B3GNT2: variants seen among roughly 807,000 people sequenced by gnomAD.
The protein encoded by B3GNT2 is UDP-GlcNAc:betaGal beta-1,3-N-acetylglucosaminyltransferase 2.
A neutral mutation model predicts 27.6 loss-of-function variants in B3GNT2; 12 were observed. That is an observed-to-expected ratio of 0.44 (90% CI 0.28 to 0.71). B3GNT2 has a LOEUF of 0.71. Among genes scored for constraint, B3GNT2 ranks in the 30% least tolerant of loss-of-function variants. B3GNT2 has a pLI of 0.17. For missense variants in B3GNT2, 413 were observed against 488.5 expected (o/e 0.85, Z 1.46); for synonymous variants, 192 against 189.7 (o/e 1.01, Z -0.10).
intron 1 of B3GNT2, among the ~76,000 whole-genome samples, chr2:62,207,659 A>T (rs1042028476): frequency 6.6e-6 from 1 of 152,124 alleles, no homozygotes; most frequent in South Asian, 2.1e-4. Flanking sequence ...GGAGCATGCA[A>T]CCTAGATCCT....
intron 1 of B3GNT2, among the ~76,000 whole-genome samples, chr2:62,203,382 G>T (rs943640834): frequency 1.3e-5 from 2 of 152,132 alleles, no homozygotes; most frequent in Non-Finnish European, 2.9e-5. Flanking sequence ...AGTCTGTAGT[G>T]ATGTCTAGGG....
At position 62,212,593 on chromosome 2, in the gene B3GNT2, C is replaced by A. The variant is rs569519015; in HGVS notation, c.-9-9619C>A. On this transcript the variant is annotated intron_variant, in intron 1 of 1. Transcript: ENST00000301998. ...GCTTGACTGTCTACACCCAGACTTG[C>A]TTGCCTGTACCCTAGAGGGTTGCCC... 1.8e-4 allele frequency among the ~76,000 whole-genome samples: 27 copies of A among 151,826 alleles called. 1 individual carries two copies. The South Asian group carries it at 3.1e-3, about 18-fold the overall frequency.
chr2:62,210,388 T>C (rs776342663), intron 1 of B3GNT2, among the ~76,000 whole-genome samples: 2 of 151,940 alleles, frequency 1.3e-5, no homozygotes, highest in Non-Finnish European at 2.9e-5. Flanking sequence ...GCAAAGGGCA[T>C]GGGGGAGTAG....
chr2:62,213,037 C>G (rs1481612835), intron 1 of B3GNT2, among the ~76,000 whole-genome samples: 1 of 152,208 alleles, frequency 6.6e-6, no homozygotes, highest in East Asian at 1.9e-4. Flanking sequence ...AGCTCTTAAC[C>G]AAGGGCTTCC....
chr2:62,206,420 CCTCACTCAGCT>C (rs928827717), intron 1 of B3GNT2, among the ~76,000 whole-genome samples: 50 of 152,282 alleles, frequency 3.3e-4, no homozygotes, highest in Admixed American at 2.5e-3. Flanking sequence ...ATGGACAAGC[CCTCACTCAGCT>C]AATGGGTGGG....
At chr2:62,198,992 G>A (rs1674211518) in intron 1 of B3GNT2, among the ~76,000 whole-genome samples, 2 of 152,094 alleles carry the variant, frequency 1.3e-5, no homozygotes, top group African/African-American at 4.8e-5. Flanking sequence ...CCAGGCTGGA[G>A]TGCAGTGGTG....
chr2:62,204,389 A>G (rs1202760149), intron 1 of B3GNT2, among the ~76,000 whole-genome samples: 2 of 152,226 alleles, frequency 1.3e-5, no homozygotes, highest in Non-Finnish European at 2.9e-5. Context: ...TGATCAGGGA[A>G]TAACACAATT....
At chr2:62,221,714 C>G (rs955230730) in intron 1 of B3GNT2, 1 of 399,312 alleles carries the variant, frequency 2.5e-6, no homozygotes, top group African/African-American at 2.2e-5. Context: ...GAACTGCACA[C>G]AATGCGTCAC....
At chr2:62,200,663 C>T (rs1239619141) in intron 1 of B3GNT2, among the ~76,000 whole-genome samples, 1 of 152,204 alleles carries the variant, frequency 6.6e-6, no homozygotes, top group Admixed American at 6.5e-5. Flanking sequence ...TAAACATTTT[C>T]AGTACTGCAG....
chr2:62,202,418 G>C (rs1674282669), intron 1 of B3GNT2, among the ~76,000 whole-genome samples: 1 of 152,230 alleles, frequency 6.6e-6, no homozygotes, highest in East Asian at 1.9e-4. Flanking sequence ...TGGGGAAACA[G>C]CAGGTGATCC....
intron 1 of B3GNT2, among the ~76,000 whole-genome samples, chr2:62,200,285 TA>T (rs35821081): frequency 0.092 from 13,924 of 151,998 alleles, 775 homozygotes; most frequent in Non-Finnish European, 0.12. Context: ...ATCTATAACT[TA>T]AAAAAAACAA....
chr2:62,218,864 C>T (rs1414493851), intron 1 of B3GNT2, among the ~76,000 whole-genome samples: 1 of 152,202 alleles, frequency 6.6e-6, no homozygotes, highest in Non-Finnish European at 1.5e-5. Flanking sequence ...ATTCATTAGT[C>T]CCTGTGTCTT....
intron 1 of B3GNT2, among the ~76,000 whole-genome samples, chr2:62,207,677 G>A (rs557374391): frequency 7.2e-5 from 11 of 152,116 alleles, no homozygotes; most frequent in Non-Finnish European, 1.3e-4. Context: ...CCTTGCATGC[G>A]CAGTTCACAA....
At position 62,223,144 on chromosome 2, in the gene B3GNT2, G is replaced by T. The variant is rs760622828; in HGVS notation, c.924G>T (p.Gly308=). Residue 308 remains glycine (G), a synonymous_variant, in exon 2 of 2, where the codon GGG becomes GGT. Coordinates refer to ENST00000301998, the MANE Select transcript of B3GNT2 (RefSeq NM_006577.6). ...GLYPPYAGGG[G]FLYSGHLALR... is the part of the protein sequence containing the mutation. ...ACCCACCCTATGCAGGGGGAGGGGG[G>T]TTCCTCTACTCCGGCCACCTGGCCC... 3.1e-6 allele frequency: 5 copies of T among 1,614,160 alleles called. No individual in the cohort carries two copies. The highest frequency in any genetic ancestry group is 4.2e-6 in the Non-Finnish European group (5 of 1,180,030).
In B3GNT2 at chr2:62,222,431, A is replaced by T. The variant is rs1262264876; in HGVS notation, c.211A>T (p.Asn71Tyr). 2 of 1,614,158 alleles carry T rather than the reference A, an allele frequency of 1.2e-6. No homozygotes were observed. Among genetic ancestry groups the T allele is most frequent in the Non-Finnish European group, 1.7e-6 (2 of 1,180,028 alleles). Residue 71 changes from asparagine to tyrosine, a missense_variant, in exon 2 of 2, where the codon AAC becomes TAC. Transcript: ENST00000301998. The surrounding 1 kb of genome is among the most constrained non-coding windows in gnomAD (Gnocchi z 4.2). ...GCAAGAGAAGCTGAACCGGCAGTACAACCCCATCCTGAGCATGCTGACCAA... is the reference window on the plus strand; with the variant it reads ...GCAAGAGAAGCTGAACCGGCAGTACTACCCCATCCTGAGCATGCTGACCAA... ...REQEKLNRQYNPILSMLTNQT... is the reference protein window; with the variant it reads ...REQEKLNRQYYPILSMLTNQT...
chr2:62,221,685 C>T (rs1674695812), intron 1 of B3GNT2: 1 of 335,454 alleles, frequency 3.0e-6, no homozygotes. Flanking sequence ...TAGAAGAGAA[C>T]TTGAGAGTGA....
intron 1 of B3GNT2, among the ~76,000 whole-genome samples, chr2:62,216,591 A>C (rs1440429519): frequency 1.3e-5 from 2 of 151,722 alleles, no homozygotes; most frequent in South Asian, 2.1e-4. Flanking sequence ...TAATGTAGAC[A>C]TGGGGTCTCG....
chr2:62,216,125 A>G (rs1422666930), intron 1 of B3GNT2, among the ~76,000 whole-genome samples: 6 of 152,080 alleles, frequency 3.9e-5, no homozygotes, highest in African/African-American at 1.4e-4. Flanking sequence ...CCACATTCAA[A>G]TGTTTTCTGG....
rs760622828 is a variant in B3GNT2, at chr2:62,223,144, G to A, written c.924G>A (p.Gly308=). ...GLYPPYAGGG[G]FLYSGHLALR... ...ACCCACCCTATGCAGGGGGAGGGGGGTTCCTCTACTCCGGCCACCTGGCCC... is the reference window on the plus strand; with the variant it reads ...ACCCACCCTATGCAGGGGGAGGGGGATTCCTCTACTCCGGCCACCTGGCCC... Residue 308 remains glycine (G), a synonymous_variant, in exon 2 of 2, where the codon GGG becomes GGA. Coordinates refer to ENST00000301998, the MANE Select transcript of B3GNT2 (RefSeq NM_006577.6). 1 of 1,614,042 alleles carries A rather than the reference G, an allele frequency of 6.2e-7. No homozygotes were observed. Among genetic ancestry groups the A allele is most frequent in the African/African-American group, 1.3e-5 (1 of 74,928 alleles).
Sources: allele counts gnomAD v4.1 joint callset (sites outside exome capture counted in the v4.1 genomes callset), GRCh38; gene constraint gnomAD v4.1.1; non-coding constraint Gnocchi (gnomAD v3.1); transcripts MANE v1.5; gene names NCBI Gene and HGNC (gene_info 2026-07-23, HGNC 2026-07-21).